LRRC36: variants seen among roughly 807,000 people sequenced by gnomAD.
The protein encoded by LRRC36 is leucine rich repeat containing 36.
LRRC36 carries 62 observed loss-of-function variants against 81.1 expected under a neutral mutation model. The observed-to-expected ratio is 0.76, with a 90% CI of 0.62 to 0.94. The LOEUF is 0.94. Among genes scored for constraint, LRRC36 ranks in the 40% least tolerant of loss-of-function variants. The pLI, the probability that LRRC36 is intolerant of heterozygous loss-of-function variation, is 0.00. For synonymous variants in LRRC36, 334 were observed against 348.6 expected (o/e 0.96, Z 0.47); for missense variants, 761 against 881.7 (o/e 0.86, Z 1.73).
intron 12 of LRRC36, among the ~76,000 whole-genome samples, chr16:67,379,122 C>T (rs2040019609): frequency 6.6e-6 from 1 of 152,114 alleles, no homozygotes; most frequent in Non-Finnish European, 1.5e-5. Context: ...ATTTTTAACT[C>T]CAAATTTACA....
In LRRC36 at chr16:67,331,984, A is replaced by G. The variant is rs571188455; in HGVS notation, c.70+5052A>G. ...GCCTGGGCAAAGAGAGCGAAACTCC[A>G]TCTCAAAAAAAAAAAGAAAAAGAAA... is the stretch of plus-strand genomic sequence containing the variant. On this transcript the variant is annotated intron_variant, in intron 1 of 13. Transcript: ENST00000329956. 1.8e-4 allele frequency among the ~76,000 whole-genome samples: 27 copies of G among 151,774 alleles called. No individual in the cohort carries two copies. In the South Asian group the frequency reaches 5.0e-3, roughly 28 times the overall value.
At chr16:67,335,271 A>G (rs1315392351) in intron 1 of LRRC36, among the ~76,000 whole-genome samples, 1 of 152,180 alleles carries the variant, frequency 6.6e-6, no homozygotes, top group Non-Finnish European at 1.5e-5. Context: ...GCCTCCCTTC[A>G]GGGATGCATT....
At chr16:67,365,909 C>G (rs1439959703) in intron 7 of LRRC36, among the ~76,000 whole-genome samples, 1 of 151,632 alleles carries the variant, frequency 6.6e-6, no homozygotes, top group Non-Finnish European at 1.5e-5. Context: ...TTAAATCTAT[C>G]CATTAATTTA....
intron 12 of LRRC36, among the ~76,000 whole-genome samples, chr16:67,379,831 C>T (rs1053139790): frequency 2.6e-5 from 4 of 152,180 alleles, no homozygotes; most frequent in South Asian, 4.1e-4. Flanking sequence ...TTCATACCTT[C>T]GTGTAGTCAG....
intron 5 of LRRC36, among the ~76,000 whole-genome samples, chr16:67,358,093 A>G (rs1441607522): frequency 6.6e-6 from 1 of 152,122 alleles, no homozygotes; most frequent in Non-Finnish European, 1.5e-5. Context: ...TAATCTCAGA[A>G]TACAAATTGC....
chr16:67,351,813 T>G (rs192196095), intron 5 of LRRC36, among the ~76,000 whole-genome samples: 1 of 152,372 alleles, frequency 6.6e-6, no homozygotes, highest in African/African-American at 2.4e-5. Flanking sequence ...TTATTTCATT[T>G]TAAATAGCAT....
At chr16:67,336,027 C>T (rs969165154) in intron 1 of LRRC36, among the ~76,000 whole-genome samples, 4 of 152,190 alleles carry the variant, frequency 2.6e-5, no homozygotes, top group East Asian at 1.9e-4. Flanking sequence ...CCACCGCACC[C>T]GGCCCAACCA....
intron 4 of LRRC36, among the ~76,000 whole-genome samples, chr16:67,349,592 A>G (rs563481610): frequency 1.3e-5 from 2 of 152,148 alleles, no homozygotes; most frequent in East Asian, 3.9e-4. Context: ...AAACTGTCCT[A>G]CCCCCTCAAT....
intron 5 of LRRC36, among the ~76,000 whole-genome samples, chr16:67,362,627 A>G (rs1282437588): frequency 1.3e-5 from 2 of 152,248 alleles, no homozygotes; most frequent in East Asian, 3.8e-4. Context: ...AAAACAAGAT[A>G]AAACAAGAAT....
intron 13 of LRRC36, 143 bp from the exon 14 acceptor site, chr16:67,384,727 A>G (rs2040231617): frequency 1.6e-6 from 1 of 625,876 alleles, no homozygotes; most frequent in Non-Finnish European, 2.8e-6. Flanking sequence ...TGCTTTTAAA[A>G]TAACTCAATC....
chr16:67,361,017 C>G (rs2039119794), intron 5 of LRRC36, among the ~76,000 whole-genome samples: 1 of 152,126 alleles, frequency 6.6e-6, no homozygotes, highest in South Asian at 2.1e-4. Context: ...AACGTTTGTA[C>G]AAATATGACA....
chr16:67,354,343 T>C (rs1397833071), intron 5 of LRRC36, among the ~76,000 whole-genome samples: 1 of 152,148 alleles, frequency 6.6e-6, no homozygotes, highest in Non-Finnish European at 1.5e-5. Context: ...AGTGGCGTCA[T>C]CTCGGCTTAT....
intron 1 of LRRC36, among the ~76,000 whole-genome samples, chr16:67,337,322 A>G (rs1309968500): frequency 6.6e-6 from 1 of 150,926 alleles, no homozygotes; most frequent in Non-Finnish European, 1.5e-5. Context: ...CATTTCAAAA[A>G]TGACGTTTTA....
rs758428468 is a variant in LRRC36 at position 67,363,590 on chromosome 16, A to T, written c.578A>T (p.Asp193Val). Residue 193 changes from aspartate (D) to valine (V), a missense_variant and splice_region_variant, in exon 6 of 14, where the codon GAC becomes GTC. Asp to Val is a radical substitution (Grantham distance 152). Around this residue, in one of 3 missense-constraint regions of LRRC36, gnomAD observed 263 missense variants for 279.3 expected, o/e 0.94. Transcript: ENST00000329956. ...SANVDSRIEM[D>V]SNKGLFIPFP... ...TTGTTTGCTTTTTCTTTTAACACAG[A>T]CTCAAACAAAGGACTTTTTATTCCC... 1.9e-6 allele frequency: 3 copies of T among 1,613,698 alleles called. No individual in the cohort carries two copies. Among genetic ancestry groups the T allele is most frequent in the African/African-American group, 1.3e-5 (1 of 75,026 alleles).
intron 1 of LRRC36, among the ~76,000 whole-genome samples, chr16:67,338,215 T>A (rs1221950546): frequency 5.3e-5 from 8 of 152,100 alleles, no homozygotes; most frequent in Admixed American, 5.2e-4. Context: ...TAGGTAACCA[T>A]AACATAGACA....
chr16:67,379,294 C>T (rs528213382), intron 12 of LRRC36, among the ~76,000 whole-genome samples: 15 of 152,168 alleles, frequency 9.9e-5, no homozygotes, highest in African/African-American at 3.1e-4. Context: ...TAGTGGTGTG[C>T]ACCTATAGAG....
chr16:67,349,059 T>G (rs1382417600), intron 4 of LRRC36, among the ~76,000 whole-genome samples: 2 of 152,244 alleles, frequency 1.3e-5, no homozygotes, highest in Non-Finnish European at 2.9e-5. Context: ...AGAAATTGAA[T>G]GCTTCTAAAA....
At chr16:67,365,891 G>A (rs1180611216) in intron 7 of LRRC36, among the ~76,000 whole-genome samples, 1 of 152,076 alleles carries the variant, frequency 6.6e-6, no homozygotes, top group Non-Finnish European at 1.5e-5. Flanking sequence ...TATATAGTCA[G>A]TGTAGATTTA....
intron 1 of LRRC36, among the ~76,000 whole-genome samples, chr16:67,332,480 G>A (rs986243303): frequency 6.6e-6 from 1 of 152,122 alleles, no homozygotes; most frequent in Non-Finnish European, 1.5e-5. Context: ...CGTGAACCTG[G>A]GAGGCAGAGC....
Sources: gnomAD v4.1 joint callset for allele counts (sites outside exome capture counted in the v4.1 genomes callset) on GRCh38, gnomAD v4.1.1 for gene constraint, gnomAD v4.1.1 regional missense constraint, MANE v1.5 for transcripts, NCBI Gene and HGNC (gene_info 2026-07-23, HGNC 2026-07-21) for gene names.